Variants in XKR9 observed in about 807,000 individuals in gnomAD.
The protein encoded by XKR9 is XK related 9, also known as XK-related protein 9.
XKR9 carries 32 observed loss-of-function variants against 32.0 expected under a neutral mutation model. The ratio of observed to expected loss-of-function variants is 1.00; its 90% CI spans 0.76 to 1.34. XKR9 has a LOEUF of 1.34. XKR9 is among the 40% of genes most tolerant of loss of function. The pLI, the probability that XKR9 is intolerant of heterozygous loss-of-function variation, is 0.00. For synonymous variants in XKR9, 168 were observed against 143.4 expected, an observed-to-expected ratio of 1.17 and a Z score of -1.22; for missense variants, 546 against 429.7, an observed-to-expected ratio of 1.27 and a Z score of -2.39.
chr8:70,841,884 A>G, the XKR9 span, among the ~76,000 whole-genome samples: 1 of 152,166 alleles, frequency 6.6e-6, no homozygotes, highest in African/African-American at 2.4e-5. Flanking sequence ...TTGCTTTTTA[A>G]TCCTCTGTAA....
chr8:70,686,416 T>C (rs373694172), intron 3 of XKR9, among the ~76,000 whole-genome samples: 1 of 56,504 alleles, frequency 1.8e-5, no homozygotes, highest in African/African-American at 4.4e-5. Flanking sequence ...ATAGCTAATA[T>C]ATATATATAT....
chr8:71,046,201 G>T, the XKR9 span, among the ~76,000 whole-genome samples: 5 of 152,094 alleles, frequency 3.3e-5, no homozygotes, highest in Non-Finnish European at 7.4e-5. Flanking sequence ...TTTTTGAAAG[G>T]CTATTAAATA....
At chr8:70,682,070 A>G (rs1341234673) in intron 3 of XKR9, among the ~76,000 whole-genome samples, 7 of 152,162 alleles carry the variant, frequency 4.6e-5, no homozygotes, top group Non-Finnish European at 1.5e-5. Flanking sequence ...TTGAAGCTAT[A>G]GTTATTATGT....
At chr8:70,910,426 G>A in the XKR9 span, among the ~76,000 whole-genome samples, 1 of 152,204 alleles carries the variant, frequency 6.6e-6, no homozygotes, top group South Asian at 2.1e-4. Context: ...TTCCTAGTAT[G>A]TAAAATGAGG....
chr8:71,058,265 C>T, the XKR9 span, among the ~76,000 whole-genome samples: 1 of 152,152 alleles, frequency 6.6e-6, no homozygotes, highest in Admixed American at 6.5e-5. Context: ...GCTGATCACT[C>T]TGGGTCAGTT....
chr8:70,841,133 T>C, the XKR9 span, among the ~76,000 whole-genome samples: 8 of 152,154 alleles, frequency 5.3e-5, no homozygotes, highest in African/African-American at 1.9e-4. Context: ...AAAATATTCT[T>C]ATCTATAAAT....
chr8:70,901,344 CAG>C, the XKR9 span, among the ~76,000 whole-genome samples: 3 of 152,238 alleles, frequency 2.0e-5, no homozygotes, highest in South Asian at 6.2e-4. Flanking sequence ...TTTTAATGAT[CAG>C]CATTCTAACT....
the XKR9 span, among the ~76,000 whole-genome samples, chr8:71,065,393 C>T: frequency 6.6e-6 from 1 of 152,180 alleles, no homozygotes; most frequent in Non-Finnish European, 1.5e-5. Flanking sequence ...AGATATCAGT[C>T]ACCTGCAAAC....
the XKR9 span, among the ~76,000 whole-genome samples, chr8:70,877,396 C>T: frequency 1.3e-5 from 2 of 152,202 alleles, no homozygotes; most frequent in African/African-American, 4.8e-5. Flanking sequence ...TCATAACAAA[C>T]CTAAGAGATG....
chr8:70,929,835 G>C, the XKR9 span, among the ~76,000 whole-genome samples: 5 of 152,254 alleles, frequency 3.3e-5, no homozygotes, highest in African/African-American at 4.8e-5. Context: ...GGCCCACCCA[G>C]TTAATCTCAA....
chr8:70,727,752 G>A (rs1434060325), intron 4 of XKR9, among the ~76,000 whole-genome samples: 1 of 151,970 alleles, frequency 6.6e-6, no homozygotes, highest in Non-Finnish European at 1.5e-5. Flanking sequence ...CCGTGAGCTG[G>A]GAGTGCCGAT....
At chr8:70,759,082 G>A (rs1157926975) in intron 2 of XKR9, among the ~76,000 whole-genome samples, 1 of 152,188 alleles carries the variant, frequency 6.6e-6, no homozygotes, top group Non-Finnish European at 1.5e-5. Context: ...TTCATGGCTG[G>A]TTAGTGCCCG....
At chr8:71,002,688 C>A in the XKR9 span, among the ~76,000 whole-genome samples, 1 of 152,086 alleles carries the variant, frequency 6.6e-6, no homozygotes, top group African/African-American at 2.4e-5. Context: ...AGTGAAAATG[C>A]TGAAACTCAT....
intron 2 of XKR9, among the ~76,000 whole-genome samples, chr8:70,756,078 T>A (rs2130195667): frequency 6.6e-6 from 1 of 152,324 alleles, no homozygotes; most frequent in South Asian, 2.1e-4. Flanking sequence ...TCTTTATTCC[T>A]TTGCCTATGG....
At chr8:70,863,422 A>G in the XKR9 span, among the ~76,000 whole-genome samples, 1 of 152,210 alleles carries the variant, frequency 6.6e-6, no homozygotes, top group Non-Finnish European at 1.5e-5. Flanking sequence ...TCTTCTCTCA[A>G]TCCTGTCACT....
At chr8:70,755,312 G>C (rs1254983532) in intron 2 of XKR9, among the ~76,000 whole-genome samples, 1 of 152,172 alleles carries the variant, frequency 6.6e-6, no homozygotes, top group Non-Finnish European at 1.5e-5. Flanking sequence ...CTGTTGCTGG[G>C]ACTGTAAACT....
the XKR9 span, among the ~76,000 whole-genome samples, chr8:71,010,404 C>T: frequency 1.5e-4 from 23 of 152,310 alleles, no homozygotes; most frequent in East Asian, 2.5e-3. Context: ...ACATTCCCCA[C>T]GTTTTCCTAG....
chr8:70,877,569 A>G, the XKR9 span, among the ~76,000 whole-genome samples: 1 of 152,202 alleles, frequency 6.6e-6, no homozygotes, highest in African/African-American at 2.4e-5. Flanking sequence ...TCAGTGATTG[A>G]AGATCAAATT....
the XKR9 span, among the ~76,000 whole-genome samples, chr8:71,007,939 CA>C: frequency 6.7e-6 from 1 of 150,042 alleles, no homozygotes; most frequent in Non-Finnish European, 1.5e-5. Flanking sequence ...GGTAAAAGGG[CA>C]AAAAAACATT....
Sources: gnomAD v4.1 joint callset for allele counts (sites outside exome capture counted in the v4.1 genomes callset) on GRCh38, gnomAD v4.1.1 for gene constraint, MANE v1.5 for transcripts, NCBI Gene and HGNC (gene_info 2026-07-23, HGNC 2026-07-21) for gene names.